Variants in CIZ1 observed in about 807,000 individuals in gnomAD.
The protein encoded by CIZ1 is CDKN1A interacting zinc finger protein 1, also known as cip1-interacting zinc finger protein.
In CIZ1, 58 loss-of-function variants were observed where a neutral mutation model predicts 118.6. The ratio of observed to expected loss-of-function variants is 0.49; its 90% CI spans 0.40 to 0.61. CIZ1 has a LOEUF of 0.61. CIZ1 is among the 20% of genes least tolerant of loss of function. CIZ1 has a pLI of 0.00. For synonymous variants in CIZ1, 448 were observed against 443.4 expected (o/e 1.01, Z -0.13); for missense variants, 921 against 1,115.9 (o/e 0.83, Z 2.49).
intron 3 of CIZ1, 126 bp downstream of exon 3, chr9:128,190,203 G>A (rs1832954060): frequency 1.5e-6 from 1 of 679,700 alleles, no homozygotes; most frequent in Admixed American, 2.5e-5. Flanking sequence ...GTGTCCTCAT[G>A]AGTGAACTAG....
At chr9:128,173,448 T>C (rs576169418) in intron 11 of CIZ1, among the ~76,000 whole-genome samples, 20 of 151,704 alleles carry the variant, frequency 1.3e-4, no homozygotes, top group Middle Eastern at 6.9e-3. Context: ...CCCGGCCGGC[T>C]AATTTTTTTA....
intron 8 of CIZ1, 79 bp downstream of exon 8, chr9:128,178,630 C>T (rs1831171623): frequency 1.3e-6 from 2 of 1,577,206 alleles, no homozygotes; most frequent in Non-Finnish European, 1.7e-6. Flanking sequence ...TCCCAGGCAG[C>T]ACCCAGTCAG....
intron 13 of CIZ1, 32 bp from the exon 14 acceptor site, chr9:128,169,233 A>G: frequency 6.2e-7 from 1 of 1,609,104 alleles, no homozygotes; most frequent in Non-Finnish European, 8.5e-7. Context: ...AGCTCAGGTC[A>G]GCTCTGAACA....
In CIZ1 at chr9:128,173,867, C is replaced by G. The variant is rs1200685451; in HGVS notation, c.1943+2484G>C. 1.1e-4 allele frequency among the ~76,000 whole-genome samples: 17 copies of G among 152,034 alleles called. No individual in the cohort carries two copies. In the East Asian group the frequency reaches 1.7e-3, roughly 16 times the overall value. The stretch of plus-strand genomic sequence containing the variant: ...TAAAAATACAAAAAATTAGCCGGGC[C>G]TAGTGGTAGGCGCCTGTAGTCCCAG... On this transcript the variant is annotated intron_variant, in intron 11 of 16. Transcript: ENST00000372938.
At position 128,178,992 on chromosome 9, in the gene CIZ1, T is replaced by G. The variant is rs1831222691; in HGVS notation, c.1215A>C (p.Pro405=). ...QEAEPLKQVQ[P]QVQPQAHSQP... Reference sequence around the variant, plus strand: ...GTGAATGTGCCTGGGGCTGCACCTGTGGCTGCACCTGCTTCAGCGGCTCTG... The same window carrying G: ...GTGAATGTGCCTGGGGCTGCACCTGGGGCTGCACCTGCTTCAGCGGCTCTG... Residue 405 remains proline (P), a synonymous_variant, in exon 8 of 17, where the codon CCA becomes CCC. Coordinates refer to ENST00000372938, the MANE Select transcript of CIZ1 (RefSeq NM_001131016.2). 3.7e-6 allele frequency: 6 copies of G among 1,612,856 alleles called. No homozygotes were observed. The highest frequency in any genetic ancestry group is 1.7e-5 in the Admixed American group (1 of 59,988).
At chr9:128,169,753 A>G in intron 12 of CIZ1, 1 of 1,511,998 alleles carries the variant, frequency 6.6e-7, no homozygotes, top group Non-Finnish European at 8.9e-7. Context: ...ACACAGAGAG[A>G]AGACGAGAGA....
At chr9:128,175,198 T>A (rs937724530) in intron 11 of CIZ1, among the ~76,000 whole-genome samples, 2 of 152,248 alleles carry the variant, frequency 1.3e-5, no homozygotes, top group African/African-American at 4.8e-5. Flanking sequence ...TCCACATTAT[T>A]ATAAATTCTC....
intron 5 of CIZ1, among the ~76,000 whole-genome samples, chr9:128,185,026 C>A (rs1462656394): frequency 3.3e-5 from 5 of 152,154 alleles, no homozygotes; most frequent in Non-Finnish European, 2.9e-5. Flanking sequence ...CGCCTGTAAT[C>A]CCAGCACTTT....
chr9:128,181,628 C>A (rs1307104853), intron 5 of CIZ1, among the ~76,000 whole-genome samples: 1 of 152,224 alleles, frequency 6.6e-6, no homozygotes, highest in Non-Finnish European at 1.5e-5. Context: ...TATGCCTGGG[C>A]AGGGCCACCA....
At chr9:128,178,607 G>C in intron 8 of CIZ1, 102 bp downstream of exon 8, 1 of 1,586,602 alleles carries the variant, frequency 6.3e-7, no homozygotes, top group Admixed American at 1.7e-5. Flanking sequence ...TGGGTTCCAG[G>C]CCTAGCCCTC....
At position 128,176,447 on chromosome 9, in the gene CIZ1, T is replaced by C. The variant is rs1173287007; in HGVS notation, c.1847A>G (p.Gln616Arg). The C allele has an allele frequency of 6.2e-7, 1 of 1,613,700 alleles. No homozygotes were observed. Among genetic ancestry groups the C allele is most frequent in the Middle Eastern group, 1.7e-4 (1 of 6,058 alleles). ...QEFQDHMSEPQHQQRLGEIQH... is the reference protein window; with the variant it reads ...QEFQDHMSEPRHQQRLGEIQH... ...GATCTCCCCTAGCCGCTGCTGGTGC[T>C]GAGGCTCCGACATGTGGTCCTGGAA... The change falls in exon 11 of 17, where the codon CAG (glutamine) becomes CGG (arginine). Residue 616 changes from glutamine to arginine, a missense_variant. Physicochemically the swap from Gln to Arg is conservative, Grantham distance 43. Coordinates refer to ENST00000372938, the MANE Select transcript of CIZ1 (RefSeq NM_001131016.2).
At chr9:128,170,161 G>C in intron 11 of CIZ1, 54 bp from the exon 12 acceptor site, 1 of 1,464,512 alleles carries the variant, frequency 6.8e-7, no homozygotes, top group African/African-American at 1.4e-5. Flanking sequence ...GACAGCAGCT[G>C]TCTGAGAGCG....
At chr9:128,199,574 G>T (rs1034098467) in intron 1 of CIZ1, among the ~76,000 whole-genome samples, 2 of 151,956 alleles carry the variant, frequency 1.3e-5, no homozygotes, top group Non-Finnish European at 2.9e-5. Flanking sequence ...GCATGGTGGT[G>T]TGCACTTGTA....
chr9:128,176,109 T>G (rs534825632), intron 11 of CIZ1, among the ~76,000 whole-genome samples: 1 of 152,222 alleles, frequency 6.6e-6, no homozygotes, highest in Non-Finnish European at 1.5e-5. Context: ...GGGATGGTCA[T>G]ACTGTTCCTG....
chr9:128,190,456 G>A lies in CIZ1; in HGVS notation c.171-12C>T, dbSNP rs774056628. 4 of 1,591,486 alleles carry A rather than the reference G, an allele frequency of 2.5e-6. No individual in the cohort carries two copies. The highest frequency in any genetic ancestry group is 1.1e-5 in the South Asian group (1 of 89,958). ...GCGGGGGGAGCCCCCTGTGTGTTGG[G>A]AGGGGGTGTCAGAGGGTTATTTGGA... On this transcript the variant is annotated splice_polypyrimidine_tract_variant and intron_variant, in intron 2 of 16. Transcript: ENST00000372938.
Position 128,166,322 on chromosome 9 carries a change from C to T in CIZ1, c.2572G>A (p.Ala858Thr), listed in dbSNP as rs1384673886. Residue 858 changes from alanine to threonine, a missense_variant, in exon 17 of 17, where the codon GCC (alanine) becomes ACC (threonine). Transcript: ENST00000372938. The surrounding 1 kb of genome is among the most constrained non-coding windows in gnomAD (Gnocchi z 4.4). ...GGGCGGCCGCTGGAGGTGAACAGGG[C>T]TGTCAAAGCGTTCCGGGCGTTGATT... The part of the protein sequence containing the change: ...CAINARNALT[A>T]LFTSSGRPPS... The T allele has an allele frequency of 6.4e-7, 1 of 1,568,376 alleles. No individual in the cohort carries two copies. The highest frequency in any genetic ancestry group is 1.9e-5 in the Admixed American group (1 of 52,720).
chr9:128,173,366 C>T (rs1164426429), intron 11 of CIZ1, among the ~76,000 whole-genome samples: 3 of 151,706 alleles, frequency 2.0e-5, no homozygotes, highest in South Asian at 2.1e-4. Flanking sequence ...ATGATGGTCT[C>T]GATCTCCTGA....
intron 1 of CIZ1, among the ~76,000 whole-genome samples, chr9:128,201,082 CACGGTGAAACCCTATCTCT>C (rs1833500201): frequency 6.6e-6 from 1 of 151,910 alleles, no homozygotes; most frequent in Non-Finnish European, 1.5e-5. Context: ...TCCTGGCTAA[CACGGTGAAACCCTATCTCT>C]ACTAAAAATA....
At chr9:128,185,513 C>CAA in intron 5 of CIZ1, 34 bp downstream of exon 5, 5 of 1,400,772 alleles carry the variant, frequency 3.6e-6, no homozygotes, top group South Asian at 1.4e-5. Flanking sequence ...CCAGGGTCCC[C>CAA]TCCCGCCCAC....
Sources: allele counts gnomAD v4.1 joint callset (sites outside exome capture counted in the v4.1 genomes callset), GRCh38; gene constraint gnomAD v4.1.1; non-coding constraint Gnocchi (gnomAD v3.1); transcripts MANE v1.5; gene names NCBI Gene and HGNC (gene_info 2026-07-23, HGNC 2026-07-21).